Variants in KLHDC4 observed in about 807,000 individuals in gnomAD.
KLHDC4 encodes kelch domain containing 4.
In KLHDC4, 90 loss-of-function variants were observed where a neutral mutation model predicts 62.4. The ratio of observed to expected loss-of-function variants is 1.44; its 90% CI spans 1.22 to 1.72. The LOEUF (loss-of-function observed/expected upper bound fraction) is 1.72, where lower values mean the gene tolerates loss of function less well. Ranked by LOEUF, KLHDC4 falls within the 40% of genes most tolerant of loss-of-function variation. The pLI is 0.00. For synonymous variants in KLHDC4, 386 were observed against 284.4 expected, an observed-to-expected ratio of 1.36 and a Z score of -3.59; for missense variants, 1,025 against 699.7, an observed-to-expected ratio of 1.47 and a Z score of -5.25.
At chr16:87,756,576 T>C (rs1223410560) in intron 2 of KLHDC4, 99 bp from the exon 3 acceptor site, 4 of 845,432 alleles carry the variant, frequency 4.7e-6, no homozygotes, top group East Asian at 2.6e-5. Context: ...ACAAACTGGC[T>C]GCCTCTACAC....
rs2035381987 is a variant in KLHDC4, at chr16:87,709,676, A to C, written c.1045-9T>G. 4 of 1,573,618 alleles carry C rather than the reference A, an allele frequency of 2.5e-6. No homozygotes were observed. The highest frequency in any genetic ancestry group is 3.5e-6 in the Non-Finnish European group (4 of 1,157,852). ...TTTTCAGACTTGGGTCCCTATTAAT[A>C]GACCGAGGAAGCAGAGAGCAGCAGC... On this transcript the variant is annotated splice_polypyrimidine_tract_variant and intron_variant, in intron 9 of 11. Transcript: ENST00000270583.
chr16:87,736,434 C>T lies in KLHDC4; in HGVS notation c.507-5790G>A, dbSNP rs192231929. Reference sequence around the variant, plus strand: ...TGCTGAGCAAAGGAGCAATTCCTGCCGGATCCCTGAGAGTCTAGTGGCTCA... The same window carrying T: ...TGCTGAGCAAAGGAGCAATTCCTGCTGGATCCCTGAGAGTCTAGTGGCTCA... On this transcript the variant is annotated intron_variant, in intron 5 of 11. Coordinates refer to ENST00000270583, the MANE Select transcript of KLHDC4 (RefSeq NM_017566.4). Among the ~76,000 whole-genome samples, 15 of 152,264 alleles carry T rather than the reference C, an allele frequency of 9.9e-5. No homozygotes were observed. In the East Asian group the frequency reaches 1.7e-3, roughly 18 times the overall value.
In KLHDC4 at chr16:87,734,712, G is replaced by C. The variant is rs2040977090; in HGVS notation, c.507-4068C>G. Among the ~76,000 whole-genome samples the C allele has an allele frequency of 2.0e-5, 3 of 152,248 alleles. No homozygotes were observed. The South Asian group carries it at 6.2e-4, about 32-fold the overall frequency. On this transcript the variant is annotated intron_variant, in intron 5 of 11. Transcript: ENST00000270583. ...CTTTGGGGTGGCCTCTTCACATAGG[G>C]ATACCCAGCAGGATCTCAGCTCACT...
At chr16:87,706,849 G>A (rs1352380940), downstream of KLHDC4, among the ~76,000 whole-genome samples, 3 of 152,202 alleles carry the variant, frequency 2.0e-5, no homozygotes, top group African/African-American at 4.8e-5. Flanking sequence ...ACCTGGAGCC[G>A]TAAGGATGAA....
downstream of KLHDC4, chr16:87,703,502 T>G (rs1028671145): frequency 6.6e-6 from 1 of 152,086 alleles, no homozygotes; most frequent in African/African-American, 2.4e-5. Flanking sequence ...GCACAGGCGG[T>G]TTTTAAAATG....
intron 5 of KLHDC4, among the ~76,000 whole-genome samples, chr16:87,746,917 C>A (rs2043124701): frequency 6.6e-6 from 1 of 152,230 alleles, no homozygotes; most frequent in Non-Finnish European, 1.5e-5. Context: ...AATCCAGACC[C>A]AGGGCAGCTG....
At chr16:87,730,706 GACA>G (rs1597571995) in intron 5 of KLHDC4, 62 bp from the exon 6 acceptor site, 2 of 1,431,618 alleles carry the variant, frequency 1.4e-6, no homozygotes, top group Non-Finnish European at 1.9e-6. Flanking sequence ...TTCTAAAGAC[GACA>G]ACAACAAACA....
intron 5 of KLHDC4, 71 bp downstream of exon 5, chr16:87,748,602 G>A (rs1263891775): frequency 3.7e-5 from 59 of 1,587,906 alleles, no homozygotes; most frequent in East Asian, 3.4e-4. Flanking sequence ...GGTCTGCTCC[G>A]AGCACTCGGG....
At chr16:87,758,720 A>C (rs2045403262) in intron 2 of KLHDC4, among the ~76,000 whole-genome samples, 1 of 152,216 alleles carries the variant, frequency 6.6e-6, no homozygotes, top group African/African-American at 2.4e-5. Context: ...GTTTACAAAT[A>C]CGTGTCACGC....
chr16:87,729,890 C>T (rs1597563317), intron 6 of KLHDC4, among the ~76,000 whole-genome samples: 1 of 152,236 alleles, frequency 6.6e-6, no homozygotes, highest in Admixed American at 6.5e-5. Flanking sequence ...CTGCGATCAG[C>T]ACTCTAACCA....
intron 5 of KLHDC4, among the ~76,000 whole-genome samples, chr16:87,743,728 C>T (rs929414857): frequency 1.5e-4 from 22 of 151,436 alleles, no homozygotes; most frequent in South Asian, 4.2e-4. Context: ...AGACAGAGCG[C>T]GACACCGCCT....
At chr16:87,761,813 A>C (rs780417399) in intron 2 of KLHDC4, 136 bp downstream of exon 2, 14 of 858,418 alleles carry the variant, frequency 1.6e-5, no homozygotes, top group East Asian at 2.5e-5. Context: ...TTCAGCAGAA[A>C]GTGACCAAGA....
chr16:87,748,876 C>G, intron 4 of KLHDC4, 67 bp from the exon 5 acceptor site: 1 of 1,592,786 alleles, frequency 6.3e-7, no homozygotes, highest in Non-Finnish European at 8.5e-7. Flanking sequence ...CATGGGTGAC[C>G]GGTAGTGGTG....
intron 7 of KLHDC4, among the ~76,000 whole-genome samples, chr16:87,724,368 A>T (rs2038972686): frequency 6.6e-6 from 1 of 152,220 alleles, no homozygotes; most frequent in Admixed American, 6.5e-5. Flanking sequence ...AAACGTAATA[A>T]ATTAGATTTT....
rs1462866856 is a variant in KLHDC4, at chr16:87,730,586, A to T, written c.565T>A (p.Leu189Met). The change falls in exon 6 of 12, where the codon TTG becomes ATG. Residue 189 changes from leucine (L) to methionine (M), a missense_variant. Coordinates refer to ENST00000270583, the MANE Select transcript of KLHDC4 (RefSeq NM_017566.4). The part of the protein sequence containing the change: ...GHRMVAWKRQ[L>M]ILFGGFHEST... Reference sequence around the variant, plus strand: ...TCATGGAAGCCACCAAACAGGATCAATTGTCTCTTCCAGGCCACCATCCGA... The same window carrying T: ...TCATGGAAGCCACCAAACAGGATCATTTGTCTCTTCCAGGCCACCATCCGA... 5.6e-6 allele frequency: 9 copies of T among 1,612,936 alleles called. No homozygotes were observed. The highest frequency in any genetic ancestry group is 1.3e-5 in the African/African-American group (1 of 74,862).
chr16:87,719,233 G>T (rs1044733753), intron 7 of KLHDC4, among the ~76,000 whole-genome samples: 6 of 152,260 alleles, frequency 3.9e-5, no homozygotes, highest in Admixed American at 2.0e-4. Flanking sequence ...AGAAAAGGGG[G>T]AAATGTGGGG....
chr16:87,754,840 C>T (rs1354682016), intron 4 of KLHDC4, among the ~76,000 whole-genome samples: 1 of 152,196 alleles, frequency 6.6e-6, no homozygotes, highest in East Asian at 1.9e-4. Flanking sequence ...TTCCTTCCAC[C>T]ATGCACACCT....
chr16:87,758,575 T>C (rs1339630205), intron 2 of KLHDC4, among the ~76,000 whole-genome samples: 1 of 152,018 alleles, frequency 6.6e-6, no homozygotes, highest in East Asian at 1.9e-4. Context: ...CATTGAAGGG[T>C]CTAGACACTT....
At chr16:87,764,921 C>A (rs1209703899) in intron 1 of KLHDC4, 2 of 347,652 alleles carry the variant, frequency 5.8e-6, no homozygotes, top group Non-Finnish European at 1.1e-5. Context: ...ATGGAGAGAT[C>A]AATGACTTAG....
Sources: allele counts gnomAD v4.1 joint callset (sites outside exome capture counted in the v4.1 genomes callset), GRCh38; gene constraint gnomAD v4.1.1; transcripts MANE v1.5; gene names NCBI Gene and HGNC (gene_info 2026-07-23, HGNC 2026-07-21).